MTFR1: variants seen among roughly 807,000 people sequenced by gnomAD.
MTFR1 encodes chondrocyte protein with a poly-proline region.
MTFR1 carries 28 observed loss-of-function variants against 38.8 expected under a neutral mutation model. The observed-to-expected ratio is 0.72, with a 90% CI of 0.53 to 0.99. MTFR1 has a LOEUF of 0.99. Ranked by LOEUF, MTFR1 falls within the 50% of genes least tolerant of loss-of-function variation. The pLI, the probability that MTFR1 is intolerant of heterozygous loss-of-function variation, is 0.00. For missense variants in MTFR1, 358 were observed against 395.5 expected, an observed-to-expected ratio of 0.91 and a Z score of 0.81; for synonymous variants, 145 against 137.0, an observed-to-expected ratio of 1.06 and a Z score of -0.41.
chr8:65,698,456 T>A (rs1805510367), intron 4 of MTFR1, among the ~76,000 whole-genome samples: 1 of 152,034 alleles, frequency 6.6e-6, no homozygotes, highest in Admixed American at 6.5e-5. Flanking sequence ...TCGTGATTCT[T>A]TTCAAGTTAA....
chr8:65,700,204 C>T (rs898414339), intron 4 of MTFR1, among the ~76,000 whole-genome samples: 1 of 151,502 alleles, frequency 6.6e-6, no homozygotes, highest in African/African-American at 2.4e-5. Flanking sequence ...TACCAAAATT[C>T]GCTGGGTGTG....
intron 3 of MTFR1, among the ~76,000 whole-genome samples, chr8:65,691,823 G>A (rs1158321315): frequency 6.6e-6 from 1 of 152,038 alleles, no homozygotes; most frequent in Non-Finnish European, 1.5e-5. Context: ...CCCTTAAAAT[G>A]TTATTTTTAA....
chr8:65,740,423 T>C (rs1807363829), intron 3 of MTFR1, among the ~76,000 whole-genome samples: 1 of 152,066 alleles, frequency 6.6e-6, no homozygotes, highest in Non-Finnish European at 1.5e-5. Context: ...TTTTTTGAGA[T>C]GGAGTCCAGC....
intron 3 of MTFR1, among the ~76,000 whole-genome samples, chr8:65,762,690 C>A (rs537993554): frequency 1.3e-3 from 195 of 152,202 alleles, no homozygotes; most frequent in African/African-American, 4.5e-3. Context: ...TTATGAATAT[C>A]AAATATTTTT....
intron 3 of MTFR1, among the ~76,000 whole-genome samples, chr8:65,766,191 C>G (rs1044848601): frequency 6.6e-6 from 1 of 152,218 alleles, no homozygotes; most frequent in Non-Finnish European, 1.5e-5. Flanking sequence ...GGTGATCCAC[C>G]CGCCTTGGCC....
chr8:65,768,472 G>A (rs767854298), intron 3 of MTFR1, among the ~76,000 whole-genome samples: 1 of 152,182 alleles, frequency 6.6e-6, no homozygotes, highest in Non-Finnish European at 1.5e-5. Flanking sequence ...CTCTTGCCTT[G>A]TCTGCTGCCA....
chr8:65,760,555 T>C lies in MTFR1; in HGVS notation c.*49-10392T>C, dbSNP rs556883867. Among the ~76,000 whole-genome samples the C allele has an allele frequency of 4.6e-5, 7 of 152,186 alleles. No individual in the cohort carries two copies. In the South Asian group the frequency reaches 1.5e-3, roughly 32 times the overall value. ...AAGTACTAAAAGAAAATTAGAGAGA[T>C]TTCCAGAACTGTCCTAGAATTGCTT... is the stretch of plus-strand genomic sequence containing the variant. On this transcript the variant is annotated intron_variant, in intron 3 of 3. Transcript: ENST00000521247.
chr8:65,717,960 G>C (rs746400947), intron 2 of MTFR1: 2 of 152,220 alleles, frequency 1.3e-5, no homozygotes, highest in Non-Finnish European at 2.9e-5. Flanking sequence ...TGGAATGTTT[G>C]AAGTTTAAAA....
At chr8:65,725,620 T>G (rs1585827820) in intron 3 of MTFR1, 1 of 152,184 alleles carries the variant, frequency 6.6e-6, no homozygotes, top group African/African-American at 2.4e-5. Context: ...TTTGTTTTAA[T>G]GGGCCATAGC....
At chr8:65,724,779 G>A (rs1307709937) in intron 3 of MTFR1, 1 of 1,601,622 alleles carries the variant, frequency 6.2e-7, no homozygotes, top group Non-Finnish European at 8.5e-7. Flanking sequence ...CATTTTACCT[G>A]TAAAACCAAA....
intron 3 of MTFR1, among the ~76,000 whole-genome samples, chr8:65,759,306 C>T (rs533488820): frequency 6.6e-6 from 1 of 152,200 alleles, no homozygotes; most frequent in African/African-American, 2.4e-5. Context: ...AATCTCCTGA[C>T]AGATGCCACT....
At chr8:65,713,509 TTCTC>T (rs1806019110), downstream of MTFR1, among the ~76,000 whole-genome samples, 1 of 149,212 alleles carries the variant, frequency 6.7e-6, no homozygotes, top group South Asian at 2.1e-4. Flanking sequence ...AAAAATGTGT[TTCTC>T]TCTTTCCCCC....
chr8:65,691,693 A>G (rs973368320), intron 3 of MTFR1, among the ~76,000 whole-genome samples: 2 of 151,974 alleles, frequency 1.3e-5, no homozygotes, highest in Non-Finnish European at 2.9e-5. Flanking sequence ...TCTGTCGCCC[A>G]GGCTGGATTG....
At chr8:65,682,881 G>T in intron 3 of MTFR1, 6 of 985,248 alleles carry the variant, frequency 6.1e-6, no homozygotes, top group Non-Finnish European at 7.2e-6. Flanking sequence ...TCCGTCATTG[G>T]TTTCAAGATC....
chr8:65,664,610 G>GTTTTTTTTT (rs766902728), intron 1 of MTFR1, among the ~76,000 whole-genome samples: 3 of 129,786 alleles, frequency 2.3e-5, no homozygotes, highest in Non-Finnish European at 3.4e-5. Context: ...GTTTTCCTTT[G>GTTTTTTTTT]TTTTTTTTTT....
At chr8:65,724,219 T>G in intron 3 of MTFR1, 1 of 1,314,470 alleles carries the variant, frequency 7.6e-7, no homozygotes, top group Admixed American at 1.7e-5. Flanking sequence ...AAAAATGAAC[T>G]GGATAGATTA....
At chr8:65,759,899 G>A (rs189661444) in intron 3 of MTFR1, among the ~76,000 whole-genome samples, 27 of 152,028 alleles carry the variant, frequency 1.8e-4, no homozygotes, top group Admixed American at 4.6e-4. Flanking sequence ...GTATATATAC[G>A]TATAATTTTT....
At chr8:65,733,631 A>G (rs1419775039) in intron 3 of MTFR1, among the ~76,000 whole-genome samples, 2 of 152,142 alleles carry the variant, frequency 1.3e-5, no homozygotes, top group Non-Finnish European at 2.9e-5. Context: ...AGAGAAAAAA[A>G]AACAGTTGGG....
At chr8:65,711,384 C>A (rs2129060779), downstream of MTFR1, among the ~76,000 whole-genome samples, 1 of 151,980 alleles carries the variant, frequency 6.6e-6, no homozygotes, top group Admixed American at 6.6e-5. Flanking sequence ...TTGAAAAAAC[C>A]ATAGTTCTGA....
Sources: allele counts gnomAD v4.1 joint callset (sites outside exome capture counted in the v4.1 genomes callset), GRCh38; gene constraint gnomAD v4.1.1; transcripts MANE v1.5; gene names NCBI Gene and HGNC (gene_info 2026-07-23, HGNC 2026-07-21).